Variants in AKT3 observed in about 807,000 individuals in gnomAD.
AKT3 encodes the protein RAC-gamma serine/threonine-protein kinase.
A neutral mutation model predicts 65.3 loss-of-function variants in AKT3; 15 were observed. That is an observed-to-expected ratio of 0.23 (90% confidence interval 0.15 to 0.35). AKT3 has a LOEUF of 0.35. Ranked by LOEUF, AKT3 falls within the 10% of genes least tolerant of loss-of-function variation. The pLI is 1.00. For missense variants in AKT3, 243 were observed against 576.5 expected (o/e 0.42, Z 5.92); for synonymous variants, 206 against 183.8 (o/e 1.12, Z -0.98).
intron 8 of AKT3, among the ~76,000 whole-genome samples, chr1:243,577,621 G>A (rs1342052757): frequency 1.3e-5 from 2 of 152,106 alleles, no homozygotes; most frequent in Non-Finnish European, 2.9e-5. Flanking sequence ...TACCATTCAG[G>A]ACATAGGTAC....
At chr1:243,799,144 T>G (rs1230165843) in intron 2 of AKT3, among the ~76,000 whole-genome samples, 1 of 152,128 alleles carries the variant, frequency 6.6e-6, no homozygotes, top group Non-Finnish European at 1.5e-5. Flanking sequence ...ATATACTGTG[T>G]GCTTGGCACA....
intron 3 of AKT3, among the ~76,000 whole-genome samples, chr1:243,686,725 T>C (rs34502098): frequency 7.7e-6 from 1 of 130,348 alleles, no homozygotes; most frequent in East Asian, 2.6e-4. Context: ...TTGAGTACAG[T>C]GGCATGGTCT....
chr1:243,567,445 G>C (rs572705836), intron 9 of AKT3, among the ~76,000 whole-genome samples: 10 of 148,434 alleles, frequency 6.7e-5, no homozygotes, highest in East Asian at 5.9e-4. Flanking sequence ...GTACACAGGC[G>C]CACACCACTA....
At chr1:243,774,972 CCCACCTCAG>C (rs1480453002) in intron 2 of AKT3, among the ~76,000 whole-genome samples, 1 of 152,160 alleles carries the variant, frequency 6.6e-6, no homozygotes, top group Non-Finnish European at 1.5e-5. Context: ...AATGGATCCT[CCCACCTCAG>C]CCACCTGAGT....
intron 8 of AKT3, among the ~76,000 whole-genome samples, chr1:243,582,080 G>T (rs1459440851): frequency 1.3e-5 from 2 of 151,976 alleles, no homozygotes; most frequent in African/African-American, 4.8e-5. Flanking sequence ...AAGTCTTCAA[G>T]AAATATGGAA....
At position 243,660,581 on chromosome 1, in the gene AKT3, A is replaced by C. The variant is rs188880866; in HGVS notation, c.284+4191T>G. On this transcript the variant is annotated intron_variant, in intron 4 of 13. Coordinates refer to ENST00000673466, the MANE Select transcript of AKT3 (RefSeq NM_005465.7). Reference sequence around the variant, plus strand: ...TATCTCAAAATAATAAGAGCTATCTATAACAAACCCACAGCCAATATCATA... The same window carrying C: ...TATCTCAAAATAATAAGAGCTATCTCTAACAAACCCACAGCCAATATCATA... 3.0e-3 allele frequency among the ~76,000 whole-genome samples: 453 copies of C among 152,350 alleles called. 5 individuals carry two copies. Among genetic ancestry groups the C allele is most frequent in the African/African-American group, 0.01 (423 of 41,576 alleles).
intron 2 of AKT3, among the ~76,000 whole-genome samples, chr1:243,819,345 T>C (rs1207493991): frequency 1.3e-5 from 2 of 152,142 alleles, no homozygotes; most frequent in African/African-American, 2.4e-5. Context: ...CCAGGAGAAA[T>C]TCTCCACAGC....
intron 2 of AKT3, among the ~76,000 whole-genome samples, chr1:243,698,813 C>T (rs1035628037): frequency 6.6e-6 from 1 of 151,524 alleles, no homozygotes; most frequent in Non-Finnish European, 1.5e-5. Flanking sequence ...ATAAAGACTA[C>T]TAAATCTATT....
At chr1:243,751,918 G>A (rs1428215898) in intron 2 of AKT3, among the ~76,000 whole-genome samples, 1 of 152,092 alleles carries the variant, frequency 6.6e-6, no homozygotes, top group Non-Finnish European at 1.5e-5. Context: ...ATTTTAATTA[G>A]CTAATCTGCT....
intron 5 of AKT3, among the ~76,000 whole-genome samples, chr1:243,642,283 G>A (rs1680450145): frequency 6.6e-6 from 1 of 152,182 alleles, no homozygotes. Context: ...TGATGTTATG[G>A]AAAAAGATAC....
chr1:243,747,393 G>A (rs1688539322), intron 2 of AKT3, among the ~76,000 whole-genome samples: 1 of 152,158 alleles, frequency 6.6e-6, no homozygotes. Context: ...GGAGATTTCT[G>A]CATCATATTT....
chr1:243,548,723 T>C (rs1672841041), intron 11 of AKT3, among the ~76,000 whole-genome samples: 1 of 152,244 alleles, frequency 6.6e-6, no homozygotes, highest in Non-Finnish European at 1.5e-5. Context: ...CACATTTTCC[T>C]AATGTTACTG....
At position 243,781,718 on chromosome 1, in the gene AKT3, T is replaced by G. The variant is rs191931092; in HGVS notation, c.46+61407A>C. Among the ~76,000 whole-genome samples, 16 of 152,326 alleles carry G rather than the reference T, an allele frequency of 1.1e-4. No individual in the cohort carries two copies. The East Asian group carries it at 2.7e-3, about 26-fold the overall frequency. ...TAGTAAGTATCTATTACTTTTTAAG[T>G]TAAAAAGGTCATATTTTTATATTCC... is the stretch of plus-strand genomic sequence containing the variant. On this transcript the variant is annotated intron_variant, in intron 2 of 13. Transcript: ENST00000673466.
chr1:243,845,600 A>AAAAAAG (rs1440405529), intron 1 of AKT3, among the ~76,000 whole-genome samples: 23 of 144,026 alleles, frequency 1.6e-4, no homozygotes, highest in Admixed American at 5.6e-4. Context: ...AAAAAAAAAA[A>AAAAAAG]AAAGAAAAGA....
chr1:243,615,311 C>G (rs1678212171), intron 6 of AKT3, 150 bp from the exon 7 acceptor site: 1 of 499,878 alleles, frequency 2.0e-6, no homozygotes, highest in Non-Finnish European at 3.5e-6. Context: ...ACTCAGCATT[C>G]TCTCCACCAA....
At chr1:243,645,188 G>T (rs1680713549) in intron 5 of AKT3, among the ~76,000 whole-genome samples, 1 of 152,078 alleles carries the variant, frequency 6.6e-6, no homozygotes, top group East Asian at 1.9e-4. Flanking sequence ...CCTCCCTGAA[G>T]ATTAATTTAC....
chr1:243,712,550 T>A (rs1249949836), intron 2 of AKT3, among the ~76,000 whole-genome samples: 1 of 151,156 alleles, frequency 6.6e-6, no homozygotes, highest in Non-Finnish European at 1.5e-5. Context: ...TCCACACATA[T>A]TTTTTTTTGA....
intron 6 of AKT3, among the ~76,000 whole-genome samples, 188 bp from the exon 7 acceptor site, chr1:243,615,349 T>C (rs1021798416): frequency 6.6e-6 from 1 of 152,176 alleles, no homozygotes; most frequent in African/African-American, 2.4e-5. Flanking sequence ...ATTAATGATT[T>C]AATTCAGATG....
At chr1:243,580,693 G>A (rs773696260) in intron 8 of AKT3, among the ~76,000 whole-genome samples, 10 of 152,188 alleles carry the variant, frequency 6.6e-5, no homozygotes, top group African/African-American at 1.7e-4. Flanking sequence ...TTGCAGTCAC[G>A]TTCAGCTTGG....
Sources: allele counts gnomAD v4.1 joint callset (sites outside exome capture counted in the v4.1 genomes callset), GRCh38; gene constraint gnomAD v4.1.1; transcripts MANE v1.5; gene names NCBI Gene and HGNC (gene_info 2026-07-23, HGNC 2026-07-21).